The following CDH20 variants were observed in gnomAD, a reference collection of about 807,000 sequenced individuals.
CDH20 encodes cadherin-20.
A neutral mutation model predicts 74.2 loss-of-function variants in CDH20; 29 were observed. The ratio of observed to expected loss-of-function variants is 0.39; its 90% CI spans 0.29 to 0.53. The LOEUF (loss-of-function observed/expected upper bound fraction) is 0.53, where lower values mean the gene tolerates loss of function less well. CDH20 is among the 20% of genes least tolerant of loss of function. The pLI is 0.69. For synonymous variants in CDH20, 469 were observed against 405.4 expected, an observed-to-expected ratio of 1.16 and a Z score of -1.88; for missense variants, 988 against 1,048.3, an observed-to-expected ratio of 0.94 and a Z score of 0.79.
At chr18:61,522,269 C>A (rs963720377) in intron 6 of CDH20, among the ~76,000 whole-genome samples, 1 of 151,914 alleles carries the variant, frequency 6.6e-6, no homozygotes, top group African/African-American at 2.4e-5. Context: ...TTCCTATACA[C>A]CAATAATAGA....
At position 61,512,118 on chromosome 18, in the gene CDH20, A is replaced by G. The variant is rs74474679; in HGVS notation, c.1017+4558A>G. On this transcript the variant is annotated intron_variant, in intron 6 of 11. Transcript: ENST00000262717. ...CCTATTATTTGTCTAAGAAGCCCAT[A>G]CTTTTTCAAAAAGAGGAATTGATAG... Among the ~76,000 whole-genome samples the G allele has an allele frequency of 5.9e-5, 9 of 152,318 alleles. No homozygotes were observed. In the East Asian group the frequency reaches 1.7e-3, roughly 29 times the overall value.
chr18:61,491,258 A>C (rs1910951797), intron 2 of CDH20, among the ~76,000 whole-genome samples: 1 of 151,726 alleles, frequency 6.6e-6, no homozygotes, highest in Admixed American at 6.6e-5. Context: ...ATTTCAGAAG[A>C]TCTTAGCATG....
At chr18:61,442,843 C>T (rs1314904864) in intron 1 of CDH20, among the ~76,000 whole-genome samples, 2 of 152,044 alleles carry the variant, frequency 1.3e-5, no homozygotes, top group African/African-American at 2.4e-5. Context: ...AGCAATGGCA[C>T]ACAGATCTGG....
At chr18:61,440,780 T>A (rs1909003176) in intron 1 of CDH20, among the ~76,000 whole-genome samples, 2 of 152,086 alleles carry the variant, frequency 1.3e-5, no homozygotes, top group Admixed American at 6.6e-5. Flanking sequence ...GAGTCTGAGA[T>A]GGGGAAGAGG....
intron 1 of CDH20, among the ~76,000 whole-genome samples, chr18:61,407,541 A>C (rs1912370415): frequency 1.3e-5 from 2 of 152,206 alleles, no homozygotes; most frequent in South Asian, 2.1e-4. Context: ...ATTACGCAGG[A>C]TCTTAGAAGA....
In CDH20 at chr18:61,555,572, TC is replaced by T. The variant is rs1016670328; in HGVS notation, c.*879del. 1.0e-6 allele frequency: 1 copy of T among 985,242 alleles called. No homozygotes were observed. The highest frequency in any genetic ancestry group is 1.7e-5 in the African/African-American group (1 of 57,234). The allele number at this position is 985,242 out of a possible 1,614,324, so 61.0% of individuals were successfully genotyped here. ...GACAAAAGCATGGGTTAGAGGGCTTTCCTAATCTGTGTGAGGTCAATCCAAG... is the reference window on the plus strand; with the variant it reads ...GACAAAAGCATGGGTTAGAGGGCTTTCTAATCTGTGTGAGGTCAATCCAAG... On this transcript the variant is annotated 3_prime_UTR_variant, in exon 12 of 12. Transcript: ENST00000262717.
chr18:61,554,644 G>T lies in CDH20; in HGVS notation c.2355G>T (p.Arg785=). The change falls in exon 12 of 12, where the codon CGG becomes CGT. Residue 785 remains arginine, a synonymous_variant. Coordinates refer to ENST00000262717, the MANE Select transcript of CDH20 (RefSeq NM_031891.4). ...TGACGGACTGGGGGCCCCGCTTCCG[G>T]AAGCTGGCCGAGCTCTACGGGGCGT... ...DFLTDWGPRF[R]KLAELYGASE... 2 of 1,599,730 alleles carry T rather than the reference G, an allele frequency of 1.3e-6. No homozygotes were observed. Among genetic ancestry groups the T allele is most frequent in the South Asian group, 1.1e-5 (1 of 89,438 alleles).
At chr18:61,536,431 T>C (rs547014513) in intron 7 of CDH20, 62 bp from the exon 8 acceptor site, 51 of 1,400,272 alleles carry the variant, frequency 3.6e-5, no homozygotes, top group Non-Finnish European at 5.0e-5. Context: ...AGTTGTCTCA[T>C]GTGGTATGCT....
intron 1 of CDH20, among the ~76,000 whole-genome samples, chr18:61,344,021 C>T (rs1287480963): frequency 1.3e-5 from 2 of 152,092 alleles, no homozygotes; most frequent in African/African-American, 2.4e-5. Flanking sequence ...TATCAGAGGT[C>T]CTCCAAGGTG....
At chr18:61,431,269 G>T (rs1913243188) in intron 1 of CDH20, among the ~76,000 whole-genome samples, 1 of 152,140 alleles carries the variant, frequency 6.6e-6, no homozygotes, top group Non-Finnish European at 1.5e-5. Flanking sequence ...TATCATAATT[G>T]CCAAGGTCAT....
intron 1 of CDH20, among the ~76,000 whole-genome samples, chr18:61,359,484 T>C (rs925914624): frequency 1.8e-4 from 28 of 152,180 alleles, no homozygotes; most frequent in Non-Finnish European, 8.8e-5. Flanking sequence ...GAGAACCTTT[T>C]CATGACCAAT....
intron 1 of CDH20, among the ~76,000 whole-genome samples, chr18:61,368,217 C>T (rs1454283325): frequency 2.0e-5 from 3 of 151,984 alleles, no homozygotes; most frequent in Non-Finnish European, 2.9e-5. Context: ...GCTTTAATCG[C>T]CCCTTTGCCA....
chr18:61,347,733 A>G lies in CDH20; in HGVS notation c.-153+13906A>G, dbSNP rs200941242. Among the ~76,000 whole-genome samples the G allele has an allele frequency of 2.4e-4, 36 of 152,330 alleles. 1 individual carries two copies. The highest frequency in any genetic ancestry group is 2.1e-3 in the Admixed American group (32 of 15,298). ...ATTTGAAATAATAATTTACCTTGGA[A>G]CAGCCTCTCCTCAGAGGGCCTCCTC... On this transcript the variant is annotated intron_variant, in intron 1 of 11. Coordinates refer to ENST00000262717, the MANE Select transcript of CDH20 (RefSeq NM_031891.4).
rs199823094 is a variant in CDH20 at position 61,554,506 on chromosome 18, A to G, written c.2217A>G (p.Ala739=). Residue 739 remains alanine, a synonymous_variant, in exon 12 of 12, where the codon GCA becomes GCG. Transcript: ENST00000262717. ...KLYEADMDLW[A]PPFDSLQTYM... is the part of the protein sequence containing the mutation. ...ACGAGGCCGACATGGACCTGTGGGC[A>G]CCGCCCTTCGACTCCCTCCAGACGT... The G allele has an allele frequency of 1.7e-4, 282 of 1,612,682 alleles. 3 individuals are homozygous for G. In the East Asian group the frequency reaches 6.2e-3, roughly 36 times the overall value.
intron 1 of CDH20, among the ~76,000 whole-genome samples, chr18:61,347,996 G>A (rs564406838): frequency 2.6e-5 from 4 of 152,138 alleles, no homozygotes; most frequent in Admixed American, 6.5e-5. Context: ...GATAATTCCT[G>A]AGCCTATAGA....
chr18:61,363,290 C>G (rs1702639529), intron 1 of CDH20, among the ~76,000 whole-genome samples: 1 of 152,154 alleles, frequency 6.6e-6, no homozygotes, highest in South Asian at 2.1e-4. Context: ...AGGTTGTTTA[C>G]AGAAGCCCTC....
intron 1 of CDH20, among the ~76,000 whole-genome samples, chr18:61,429,274 T>G (rs1449597088): frequency 6.6e-6 from 1 of 152,156 alleles, no homozygotes; most frequent in Non-Finnish European, 1.5e-5. Context: ...ATTGTCCTCA[T>G]CCCAGACACA....
At chr18:61,522,198 G>C (rs1912234014) in intron 6 of CDH20, among the ~76,000 whole-genome samples, 1 of 152,300 alleles carries the variant, frequency 6.6e-6, no homozygotes, top group Middle Eastern at 3.4e-3. Context: ...ATCTCCTTAA[G>C]CTGATAAGCA....
intron 6 of CDH20, among the ~76,000 whole-genome samples, chr18:61,510,980 C>CTTTTT (rs112741210): frequency 1.4e-3 from 187 of 135,730 alleles, no homozygotes; most frequent in African/African-American, 2.3e-3. Context: ...TTCTTTCTTT[C>CTTTTT]TTTTTTTTTT....
Sources: gnomAD v4.1 joint callset for allele counts (sites outside exome capture counted in the v4.1 genomes callset) on GRCh38, gnomAD v4.1.1 for gene constraint, MANE v1.5 for transcripts, NCBI Gene and HGNC (gene_info 2026-07-23, HGNC 2026-07-21) for gene names.